CAMTA1: variants seen among roughly 807,000 people sequenced by gnomAD.
The protein encoded by CAMTA1 is calmodulin-binding transcription activator 1.
A neutral mutation model predicts 170.9 loss-of-function variants in CAMTA1; 27 were observed. The ratio of observed to expected loss-of-function variants is 0.16; its 90% CI spans 0.12 to 0.22. The LOEUF (loss-of-function observed/expected upper bound fraction) is 0.22, where lower values mean the gene tolerates loss of function less well. Among genes scored for constraint, CAMTA1 ranks in the 10% least tolerant of loss-of-function variants. The pLI, the probability that CAMTA1 is intolerant of heterozygous loss-of-function variation, is 1.00. For missense variants in CAMTA1, 1,619 were observed against 2,217.2 expected, an observed-to-expected ratio of 0.73 and a Z score of 5.42; for synonymous variants, 833 against 891.5, an observed-to-expected ratio of 0.93 and a Z score of 1.17.
At chr1:6,996,620 TC>T (rs939892225) in intron 3 of CAMTA1, among the ~76,000 whole-genome samples, 97 of 152,160 alleles carry the variant, frequency 6.4e-4, no homozygotes, top group African/African-American at 2.2e-3. Context: ...ACTTCAGTTT[TC>T]TATCTGAGTA....
At chr1:7,549,383 G>A (rs145305943) in intron 6 of CAMTA1, among the ~76,000 whole-genome samples, 4,067 of 152,132 alleles carry the variant, frequency 0.027, 102 homozygotes, top group Admixed American at 0.066. Context: ...GAAGCTGACC[G>A]TATTTGACCT....
At position 7,678,317 on chromosome 1, in the gene CAMTA1, A is replaced by G. The variant is rs371785125; in HGVS notation, c.2914+584A>G. Among the ~76,000 whole-genome samples, 177 of 152,254 alleles carry G rather than the reference A, an allele frequency of 1.2e-3. 6 individuals are homozygous for G. In the South Asian group the frequency reaches 0.033, roughly 28 times the overall value. On this transcript the variant is annotated intron_variant, in intron 11 of 22. Coordinates refer to ENST00000303635, the MANE Select transcript of CAMTA1 (RefSeq NM_015215.4). The stretch of plus-strand genomic sequence containing the variant: ...AACTCCAGCTTCTTGGCTGATTTTA[A>G]TTCCACCTCTGGCCTGTACGGCGTC...
intron 6 of CAMTA1, among the ~76,000 whole-genome samples, chr1:7,639,125 C>T (rs2095739748): frequency 6.6e-6 from 1 of 152,018 alleles, no homozygotes; most frequent in Non-Finnish European, 1.5e-5. Flanking sequence ...ACTACAGGCG[C>T]CCGCCACCAT....
chr1:6,852,474 G>A (rs188321364), intron 3 of CAMTA1, among the ~76,000 whole-genome samples: 1 of 152,152 alleles, frequency 6.6e-6, no homozygotes, highest in African/African-American at 2.4e-5. Context: ...CCAGGTCTCC[G>A]ATATTTCTTA....
At chr1:7,188,145 C>T (rs1653799797) in intron 4 of CAMTA1, among the ~76,000 whole-genome samples, 1 of 152,146 alleles carries the variant, frequency 6.6e-6, no homozygotes, top group African/African-American at 2.4e-5. Flanking sequence ...ATCCTGACAA[C>T]AGCATGGTGG....
intron 5 of CAMTA1, among the ~76,000 whole-genome samples, chr1:7,437,609 G>T (rs546258988): frequency 1.3e-5 from 2 of 152,196 alleles, no homozygotes; most frequent in Non-Finnish European, 2.9e-5. Context: ...GGACTTCAAC[G>T]TATGAATTTT....
intron 7 of CAMTA1, among the ~76,000 whole-genome samples, chr1:7,644,430 G>T (rs1201412236): frequency 6.6e-6 from 1 of 152,186 alleles, no homozygotes; most frequent in Non-Finnish European, 1.5e-5. Flanking sequence ...CTGCTGCTAT[G>T]AGGAAGACCA....
intron 3 of CAMTA1, among the ~76,000 whole-genome samples, chr1:6,933,772 T>G (rs1229710435): frequency 6.6e-6 from 1 of 152,094 alleles, no homozygotes; most frequent in Non-Finnish European, 1.5e-5. Flanking sequence ...TAAGAAATCA[T>G]TTATCCATAT....
chr1:7,053,352 T>C (rs4378229), intron 3 of CAMTA1, among the ~76,000 whole-genome samples: 102,250 of 152,098 alleles, frequency 0.67, 34,612 homozygotes, highest in African/African-American at 0.69. Flanking sequence ...CCACCATCAT[T>C]AGTTCCGCTG....
intron 3 of CAMTA1, among the ~76,000 whole-genome samples, chr1:7,001,897 C>CTTCTTTT (rs777475717): frequency 7.3e-6 from 1 of 137,434 alleles, no homozygotes; most frequent in African/African-American, 2.8e-5. Context: ...TCTTCTTCTT[C>CTTCTTTT]TTTTTTTTTT....
chr1:6,931,233 C>T (rs934399978), intron 3 of CAMTA1, among the ~76,000 whole-genome samples: 1 of 152,126 alleles, frequency 6.6e-6, no homozygotes, highest in African/African-American at 2.4e-5. Context: ...AATGCAGAAG[C>T]TATTTAGCAT....
intron 6 of CAMTA1, among the ~76,000 whole-genome samples, chr1:7,566,949 C>T (rs1363965491): frequency 6.6e-6 from 1 of 152,194 alleles, no homozygotes; most frequent in Non-Finnish European, 1.5e-5. Flanking sequence ...TAGGAAGGAG[C>T]TAAAACAAGT....
Position 7,633,259 on chromosome 1 carries a change from T to A in CAMTA1, c.511-7141T>A, listed in dbSNP as rs2095684638. Among the ~76,000 whole-genome samples, 1 of 152,036 alleles carries A rather than the reference T, an allele frequency of 6.6e-6. No individual in the cohort carries two copies. Among genetic ancestry groups the A allele is most frequent in the Admixed American group, 6.5e-5 (1 of 15,274 alleles). ...CCTTCCACCACCTTCAGCCTGAGAG[T>A]CCTGTGCCTGGCAGGGCCCTGGGAG... On this transcript the variant is annotated intron_variant, in intron 6 of 22. Transcript: ENST00000303635. The surrounding 1 kb of genome is among the most constrained non-coding windows in gnomAD (Gnocchi z 4.1).
intron 1 of CAMTA1, among the ~76,000 whole-genome samples, chr1:6,799,754 T>A (rs1643445434): frequency 6.6e-6 from 1 of 152,176 alleles, no homozygotes; most frequent in African/African-American, 2.4e-5. Flanking sequence ...TATACTGTAA[T>A]AAAAGTTGTG....
chr1:7,399,374 C>G (rs2089704833), intron 5 of CAMTA1, among the ~76,000 whole-genome samples: 1 of 152,170 alleles, frequency 6.6e-6, no homozygotes, highest in Non-Finnish European at 1.5e-5. Flanking sequence ...GATGGTGATG[C>G]CATGCTTCTA....
At chr1:7,267,081 G>A (rs1264355510) in intron 5 of CAMTA1, among the ~76,000 whole-genome samples, 1 of 152,210 alleles carries the variant, frequency 6.6e-6, no homozygotes, top group African/African-American at 2.4e-5. Flanking sequence ...CCCTCTGGCT[G>A]TTGGCTTCTT....
chr1:7,070,540 T>C (rs1245378998), intron 3 of CAMTA1, among the ~76,000 whole-genome samples: 1 of 152,188 alleles, frequency 6.6e-6, no homozygotes, highest in Non-Finnish European at 1.5e-5. Flanking sequence ...TGCACAACCT[T>C]TTGAGCACGA....
At position 7,767,301 on chromosome 1, in the gene CAMTA1, G is replaced by T. The variant is rs1319359924; in HGVS notation, c.*810G>T. 3 of 152,604 alleles carry T rather than the reference G, an allele frequency of 2.0e-5. No individual in the cohort carries two copies. The highest frequency in any genetic ancestry group is 2.9e-5 in the Non-Finnish European group (2 of 67,994). The allele number at this position is 152,604 out of a possible 1,614,324, so 9.5% of individuals were successfully genotyped here. ...TCATGTTCAGCACTTTAATTTTTTT[G>T]CCTTACTTTCATGTGCAATGAGAAT... is the stretch of plus-strand genomic sequence containing the variant. On this transcript the variant is annotated 3_prime_UTR_variant, in exon 23 of 23. Transcript: ENST00000303635.
At chr1:7,606,478 A>T (rs765653331) in intron 6 of CAMTA1, among the ~76,000 whole-genome samples, 25 of 152,148 alleles carry the variant, frequency 1.6e-4, no homozygotes, top group Non-Finnish European at 3.4e-4. Context: ...ATAACCAGAA[A>T]CTTGCTGTAT....
Sources: allele counts gnomAD v4.1 joint callset (sites outside exome capture counted in the v4.1 genomes callset), GRCh38; gene constraint gnomAD v4.1.1; non-coding constraint Gnocchi (gnomAD v3.1); transcripts MANE v1.5; gene names NCBI Gene and HGNC (gene_info 2026-07-23, HGNC 2026-07-21).